The following PDGFC variants were observed in gnomAD, a reference collection of about 807,000 sequenced individuals.
The protein encoded by PDGFC is platelet derived growth factor C, also known as platelet-derived growth factor C.
Under a neutral mutation model 35.5 loss-of-function variants are expected in PDGFC, and 12 were observed. That is an observed-to-expected ratio of 0.34 (90% CI 0.22 to 0.55). The LOEUF (loss-of-function observed/expected upper bound fraction) is 0.55, where lower values mean the gene tolerates loss of function less well. Among genes scored for constraint, PDGFC ranks in the 20% least tolerant of loss-of-function variants. The pLI is 0.91. For missense variants in PDGFC, 322 were observed against 412.4 expected (o/e 0.78, Z 1.90); for synonymous variants, 159 against 148.8 (o/e 1.07, Z -0.50).
chr4:156,895,041 T>C (rs1004766101), intron 1 of PDGFC, among the ~76,000 whole-genome samples: 1 of 152,166 alleles, frequency 6.6e-6, no homozygotes, highest in Non-Finnish European at 1.5e-5. Flanking sequence ...ATTATTTGAG[T>C]TCAGATAACA....
chr4:156,836,137 T>C (rs966886639), intron 2 of PDGFC: 2 of 152,216 alleles, frequency 1.3e-5, no homozygotes, highest in Non-Finnish European at 2.9e-5. Flanking sequence ...AGGACAAGTT[T>C]ACCCCACAGG....
At chr4:156,919,030 C>T (rs1272721135) in intron 1 of PDGFC, among the ~76,000 whole-genome samples, 1 of 152,166 alleles carries the variant, frequency 6.6e-6, no homozygotes, top group East Asian at 1.9e-4. Context: ...ATTAAATGTC[C>T]TCTTTTCAGA....
chr4:156,809,894 T>A (rs1444236208), intron 3 of PDGFC, among the ~76,000 whole-genome samples: 1 of 151,914 alleles, frequency 6.6e-6, no homozygotes, highest in African/African-American at 2.4e-5. Flanking sequence ...GAATAAAACC[T>A]TTGCTCTCAC....
At chr4:156,958,798 C>T (rs1415263409) in intron 1 of PDGFC, among the ~76,000 whole-genome samples, 1 of 152,006 alleles carries the variant, frequency 6.6e-6, no homozygotes, top group Non-Finnish European at 1.5e-5. Context: ...AATTAATATC[C>T]TAATGCAATA....
intron 1 of PDGFC, among the ~76,000 whole-genome samples, chr4:156,889,839 TAACCCTGCA>T (rs1228960160): frequency 6.6e-6 from 1 of 152,194 alleles, no homozygotes; most frequent in Non-Finnish European, 1.5e-5. Context: ...GTCTAAATGG[TAACCCTGCA>T]AGTCTTATTT....
intron 2 of PDGFC, among the ~76,000 whole-genome samples, chr4:156,827,275 G>A (rs1305036263): frequency 6.6e-6 from 1 of 152,012 alleles, no homozygotes; most frequent in Non-Finnish European, 1.5e-5. Flanking sequence ...AAATTAGCCG[G>A]GTGTGGTGGC....
chr4:156,920,992 T>A (rs1485864972), intron 1 of PDGFC, among the ~76,000 whole-genome samples: 2 of 152,160 alleles, frequency 1.3e-5, no homozygotes, highest in African/African-American at 4.8e-5. Flanking sequence ...AATGGATTGT[T>A]AACTGAGAAT....
chr4:156,896,954 T>A (rs1026206418), intron 1 of PDGFC, among the ~76,000 whole-genome samples: 1 of 152,204 alleles, frequency 6.6e-6, no homozygotes, highest in African/African-American at 2.4e-5. Context: ...CTATTGACCA[T>A]CTGTTAAAAT....
intron 2 of PDGFC, among the ~76,000 whole-genome samples, chr4:156,825,491 A>G (rs1046822606): frequency 6.7e-6 from 1 of 149,700 alleles, no homozygotes; most frequent in African/African-American, 2.5e-5. Flanking sequence ...TCAAGGCTGC[A>G]GTGAGCCATG....
At position 156,941,051 on chromosome 4, in the gene PDGFC, C is replaced by G. The variant is rs139901043; in HGVS notation, c.118+29735G>C. Among the ~76,000 whole-genome samples the G allele has an allele frequency of 2.6e-5, 4 of 152,246 alleles. No individual in the cohort carries two copies. In the East Asian group the frequency reaches 7.7e-4, roughly 29 times the overall value. On this transcript the variant is annotated intron_variant, in intron 1 of 5. Coordinates refer to ENST00000502773, the MANE Select transcript of PDGFC (RefSeq NM_016205.3). ...TATGCAAACAAAAGCTCTTTGGCAT[C>G]TTCAACAGTCTTCACAGGTGTAAGA...
intron 1 of PDGFC, among the ~76,000 whole-genome samples, chr4:156,928,445 C>T (rs1440817500): frequency 1.3e-5 from 2 of 152,098 alleles, no homozygotes; most frequent in Non-Finnish European, 2.9e-5. Flanking sequence ...TTACTAGCTA[C>T]TGCATCAGGA....
chr4:156,771,863 G>A (rs1468630643), intron 4 of PDGFC, among the ~76,000 whole-genome samples: 1 of 152,130 alleles, frequency 6.6e-6, no homozygotes, highest in Non-Finnish European at 1.5e-5. Context: ...GATATTTTGA[G>A]TGCATTGTAA....
intron 3 of PDGFC, among the ~76,000 whole-genome samples, chr4:156,795,147 T>C (rs1258187150): frequency 6.6e-6 from 1 of 152,220 alleles, no homozygotes; most frequent in Non-Finnish European, 1.5e-5. Flanking sequence ...CTAGCACCTG[T>C]TGTTTTAATT....
At chr4:156,946,514 A>C (rs992461432) in intron 1 of PDGFC, among the ~76,000 whole-genome samples, 1 of 152,070 alleles carries the variant, frequency 6.6e-6, no homozygotes, top group Non-Finnish European at 1.5e-5. Context: ...GGCATTAGAA[A>C]TTATACAGGA....
At chr4:156,945,342 C>CATACATATATATATATAT (rs1328692309) in intron 1 of PDGFC, among the ~76,000 whole-genome samples, 1 of 81,076 alleles carries the variant, frequency 1.2e-5, no homozygotes, top group Non-Finnish European at 2.6e-5. Flanking sequence ...CATATACATA[C>CATACATATATATATATAT]ATATATATAT....
At chr4:156,936,586 T>C (rs1731689065) in intron 1 of PDGFC, among the ~76,000 whole-genome samples, 1 of 152,100 alleles carries the variant, frequency 6.6e-6, no homozygotes, top group Non-Finnish European at 1.5e-5. Context: ...GAAGAAACAC[T>C]AGAGAAGAAT....
intron 2 of PDGFC, among the ~76,000 whole-genome samples, chr4:156,832,253 CTT>C (rs542396769): frequency 2.1e-4 from 25 of 121,124 alleles, no homozygotes; most frequent in African/African-American, 6.4e-4. Flanking sequence ...TTCTTTCTTT[CTT>C]TTTTTTTTTT....
chr4:156,961,519 T>C (rs1018794488), intron 1 of PDGFC, among the ~76,000 whole-genome samples: 2 of 152,136 alleles, frequency 1.3e-5, no homozygotes, highest in Non-Finnish European at 2.9e-5. Flanking sequence ...AAAAATGGCA[T>C]GGCATCAAGA....
intron 3 of PDGFC, among the ~76,000 whole-genome samples, chr4:156,793,087 A>C (rs1731340412): frequency 6.6e-6 from 1 of 152,290 alleles, no homozygotes; most frequent in Admixed American, 6.5e-5. Flanking sequence ...ATCATAGAAT[A>C]CAAGTAGACA....
Sources: allele counts gnomAD v4.1 joint callset (sites outside exome capture counted in the v4.1 genomes callset), GRCh38; gene constraint gnomAD v4.1.1; transcripts MANE v1.5; gene names NCBI Gene and HGNC (gene_info 2026-07-23, HGNC 2026-07-21).